PLEKHA6: variants seen among roughly 807,000 people sequenced by gnomAD.
The protein encoded by PLEKHA6 is pleckstrin homology domain containing A6.
In PLEKHA6, 60 loss-of-function variants were observed where a neutral mutation model predicts 116.7. The observed-to-expected ratio is 0.51, with a 90% CI of 0.42 to 0.64. The LOEUF (loss-of-function observed/expected upper bound fraction) is 0.64, where lower values mean the gene tolerates loss of function less well. Among genes scored for constraint, PLEKHA6 ranks in the 30% least tolerant of loss-of-function variants. The probability of loss-of-function intolerance (pLI) is 0.00; values close to 1 mark genes in which losing one functional copy is unlikely to be tolerated. For synonymous variants in PLEKHA6, 489 were observed against 556.1 expected (o/e 0.88, Z 1.70); for missense variants, 1,338 against 1,422.7 (o/e 0.94, Z 0.96).
At chr1:204,347,005 A>T in intron 1 of PLEKHA6, 1 of 1,361,670 alleles carries the variant, frequency 7.3e-7, no homozygotes. Flanking sequence ...TCTCTTGGCA[A>T]GAATCTTGCC....
intron 6 of PLEKHA6, among the ~76,000 whole-genome samples, chr1:204,264,393 A>G (rs1360933049): frequency 1.3e-5 from 2 of 152,150 alleles, no homozygotes; most frequent in African/African-American, 2.4e-5. Flanking sequence ...GTTCTCTCAA[A>G]TGGTTTCTTC....
chr1:204,268,182 T>C (rs767761798), intron 4 of PLEKHA6, 26 bp downstream of exon 4: 1 of 1,462,760 alleles, frequency 6.8e-7, no homozygotes, highest in Non-Finnish European at 9.5e-7. Context: ...GAGGCTACGG[T>C]GGCCAGAACC....
rs893076408 is a variant in PLEKHA6 at position 204,238,787 on chromosome 1, A to G, written c.2409+2588T>C. On this transcript the variant is annotated intron_variant, in intron 17 of 22. Coordinates refer to ENST00000272203, the MANE Select transcript of PLEKHA6 (RefSeq NM_014935.5). The surrounding 1 kb of genome is among the most constrained non-coding windows in gnomAD (Gnocchi z 4.2). ...CTGCAAGATATGCAGGCACCACCCG[A>G]AAGTAGACAGCTGCAGCACTACAGC... Among the ~76,000 whole-genome samples, 1 of 152,222 alleles carries G rather than the reference A, an allele frequency of 6.6e-6. No individual in the cohort carries two copies. Among genetic ancestry groups the G allele is most frequent in the Non-Finnish European group, 1.5e-5 (1 of 68,038 alleles).
intron 1 of PLEKHA6, among the ~76,000 whole-genome samples, chr1:204,351,029 G>C (rs1002213124): frequency 6.6e-6 from 1 of 152,108 alleles, no homozygotes; most frequent in South Asian, 2.1e-4. Flanking sequence ...CCTCCTCTCC[G>C]AACGCCAGCT....
In PLEKHA6 at chr1:204,261,405, C is replaced by A; in HGVS notation, c.425G>T (p.Ser142Ile). ...GVRTYFFSAE[S>I]PEEQEAWIQA... is the part of the protein sequence containing the mutation. Reference sequence around the variant, plus strand: ...GATCCAGGCCTCTTGCTCCTCGGGGCTCTCGGCACTGAAGAAGTAGGTGCG... The same window carrying A: ...GATCCAGGCCTCTTGCTCCTCGGGGATCTCGGCACTGAAGAAGTAGGTGCG... The change falls in exon 7 of 23, where the codon AGC becomes ATC. Residue 142 changes from serine (S) to isoleucine (I), a missense_variant. By Grantham distance (142) the Ser-to-Ile change is moderately radical. Coordinates refer to ENST00000272203, the MANE Select transcript of PLEKHA6 (RefSeq NM_014935.5). The surrounding 1 kb of genome is among the most constrained non-coding windows in gnomAD (Gnocchi z 4.0). 6.2e-7 allele frequency: 1 copy of A among 1,613,954 alleles called. No homozygotes were observed. The highest frequency in any genetic ancestry group is 1.1e-5 in the South Asian group (1 of 91,058).
At position 204,228,887 on chromosome 1, in the gene PLEKHA6, T is replaced by C. The variant is rs1447033763; in HGVS notation, c.2752-26A>G. The C allele has an allele frequency of 6.2e-7, 1 of 1,614,060 alleles. No homozygotes were observed. Among genetic ancestry groups the C allele is most frequent in the South Asian group, 1.1e-5 (1 of 91,080 alleles). On this transcript the variant is annotated intron_variant, in intron 19 of 22. Transcript: ENST00000272203. This position sits in a 1 kb window ranked among gnomAD's most constrained non-coding sequence, Gnocchi z 4.0. The stretch of plus-strand genomic sequence containing the variant: ...CTATGGAGGGGCTGGGGTCACCACC[T>C]CTGTCCCTTCCCAGAGTCTCCCACT...
intron 1 of PLEKHA6, among the ~76,000 whole-genome samples, chr1:204,330,910 C>T (rs12090553): frequency 6.6e-6 from 1 of 152,276 alleles, no homozygotes; most frequent in East Asian, 1.9e-4. Flanking sequence ...GAACAAGCAT[C>T]TCGGCCAGGC....
intron 17 of PLEKHA6, 29 bp downstream of exon 17, chr1:204,241,346 G>C: frequency 1.4e-6 from 2 of 1,405,302 alleles, no homozygotes; most frequent in African/African-American, 2.8e-5. Flanking sequence ...GCCCAGCTCA[G>C]GCCTGCATGA....
intron 1 of PLEKHA6, 186 bp downstream of exon 1, chr1:204,359,507 GC>G (rs1224740644): frequency 1.1e-5 from 6 of 571,344 alleles, no homozygotes; most frequent in African/African-American, 1.0e-4. Flanking sequence ...CACAGGGAGG[GC>G]TATAATTAGC....
chr1:204,359,665 A>G, intron 1 of PLEKHA6, 29 bp downstream of exon 1: 4 of 983,390 alleles, frequency 4.1e-6, no homozygotes, highest in Non-Finnish European at 4.8e-6. Flanking sequence ...CTCCCACCTC[A>G]TCTATGTGAT....
chr1:204,366,438 A>G (rs1321922018), intron 3 of PLEKHA6, among the ~76,000 whole-genome samples: 1 of 152,196 alleles, frequency 6.6e-6, no homozygotes, highest in East Asian at 1.9e-4. Flanking sequence ...GAAAAGAAAG[A>G]AAAGAAAAAT....
intron 1 of PLEKHA6, among the ~76,000 whole-genome samples, chr1:204,354,806 T>C (rs980070420): frequency 2.0e-5 from 3 of 152,202 alleles, no homozygotes; most frequent in Non-Finnish European, 4.4e-5. Flanking sequence ...AGAGGTCTCA[T>C]GGGAATGAGA....
intron 1 of PLEKHA6, chr1:204,307,860 G>C (rs1321070380): frequency 1.0e-6 from 1 of 985,236 alleles, no homozygotes; most frequent in Non-Finnish European, 1.2e-6. Context: ...AGCAGTTCAA[G>C]TCCAGGTGCT....
intron 1 of PLEKHA6, among the ~76,000 whole-genome samples, chr1:204,331,689 A>G (rs548281399): frequency 2.7e-3 from 408 of 152,310 alleles, no homozygotes; most frequent in Non-Finnish European, 5.2e-3. Flanking sequence ...AATAATGAGT[A>G]AAAGGGAGAA....
At chr1:204,278,031 A>C (rs1668202040) in intron 1 of PLEKHA6, 1 of 152,170 alleles carries the variant, frequency 6.6e-6, no homozygotes, top group Non-Finnish European at 1.5e-5. Context: ...CAGACACGAG[A>C]TGATACATTC....
intron 1 of PLEKHA6, among the ~76,000 whole-genome samples, chr1:204,374,434 A>C (rs974120143): frequency 6.6e-6 from 1 of 152,180 alleles, no homozygotes; most frequent in Non-Finnish European, 1.5e-5. Context: ...GTCTTAATGA[A>C]GAAAAAATAG....
At chr1:204,312,285 G>A (rs901127724) in intron 1 of PLEKHA6, among the ~76,000 whole-genome samples, 21 of 152,204 alleles carry the variant, frequency 1.4e-4, no homozygotes, top group African/African-American at 4.3e-4. Flanking sequence ...ATTTCCATCA[G>A]AAGCATGGGA....
intron 17 of PLEKHA6, 52 bp downstream of exon 17, chr1:204,241,323 C>G: frequency 8.8e-7 from 1 of 1,136,412 alleles, no homozygotes. Flanking sequence ...ACACACAGGC[C>G]CCTGGGCTCG....
At position 204,257,665 on chromosome 1, in the gene PLEKHA6, G is replaced by A. The variant is rs755740342; in HGVS notation, c.1212C>T (p.Tyr404=). The A allele has an allele frequency of 6.2e-7, 1 of 1,610,374 alleles. No individual in the cohort carries two copies. Among genetic ancestry groups the A allele is most frequent in the Non-Finnish European group, 8.5e-7 (1 of 1,178,476 alleles). Residue 404 remains tyrosine, a synonymous_variant, in exon 9 of 23, where the codon TAC becomes TAT. Transcript: ENST00000272203. This position sits in a 1 kb window ranked among gnomAD's most constrained non-coding sequence, Gnocchi z 6.5. ...HAFRNGGGPA[Y]QLREWKEPAS... is the part of the protein sequence containing the mutation. ...CGGGCTCCTTCCACTCTCGCAGCTG[G>A]TAGGCAGGGCCACCCCCATTGCGGA...
Sources: allele counts gnomAD v4.1 joint callset (sites outside exome capture counted in the v4.1 genomes callset), GRCh38; gene constraint gnomAD v4.1.1; non-coding constraint Gnocchi (gnomAD v3.1); transcripts MANE v1.5; gene names NCBI Gene and HGNC (gene_info 2026-07-23, HGNC 2026-07-21).